The following BLTP3A variants were observed in gnomAD, a reference collection of about 807,000 sequenced individuals.
The protein encoded by BLTP3A is ICBP90 binding protein 1.
chr6:34,856,322 C>T, the BLTP3A span: 1 of 1,614,020 alleles, frequency 6.2e-7, no homozygotes, highest in Non-Finnish European at 8.5e-7. Flanking sequence ...GATGGAATTT[C>T]AGAGCAAAAT....
At chr6:34,860,679 A>G in the BLTP3A span, among the ~76,000 whole-genome samples, 1 of 152,222 alleles carries the variant, frequency 6.6e-6, no homozygotes, top group Admixed American at 6.5e-5. Flanking sequence ...ATCAATCCCC[A>G]TCTCACAGAT....
the BLTP3A span, chr6:34,859,457 A>C: frequency 3.1e-6 from 5 of 1,614,198 alleles, no homozygotes; most frequent in Non-Finnish European, 4.2e-6. Context: ...GAGGCTCTAC[A>C]TGCCACCATG....
the BLTP3A span, among the ~76,000 whole-genome samples, chr6:34,869,423 A>C: frequency 6.6e-6 from 1 of 152,074 alleles, no homozygotes; most frequent in Non-Finnish European, 1.5e-5. Context: ...ATTTGTATTC[A>C]TTGTTATCTT....
At chr6:34,836,052 T>C in the BLTP3A span, 1 of 1,412,070 alleles carries the variant, frequency 7.1e-7, no homozygotes, top group Non-Finnish European at 9.5e-7. Flanking sequence ...AAGGAACATC[T>C]TGCTAAACTG....
chr6:34,864,203 G>A, the BLTP3A span: 2 of 1,611,638 alleles, frequency 1.2e-6, no homozygotes, highest in East Asian at 2.2e-5. Context: ...AGTCTGGTAT[G>A]TGGGAGCAGA....
chr6:34,848,755 T>G, the BLTP3A span, among the ~76,000 whole-genome samples: 1 of 152,168 alleles, frequency 6.6e-6, no homozygotes, highest in African/African-American at 2.4e-5. Context: ...TGGGTTTTGT[T>G]TTTTAATGCA....
chr6:34,792,342 C>T, the BLTP3A span: 1 of 1,467,856 alleles, frequency 6.8e-7, no homozygotes, highest in Non-Finnish European at 9.1e-7. Flanking sequence ...CCTTCCTAAC[C>T]CTCTCCGACC....
the BLTP3A span, among the ~76,000 whole-genome samples, chr6:34,866,004 C>T: frequency 6.6e-6 from 1 of 152,040 alleles, no homozygotes; most frequent in African/African-American, 2.4e-5. Context: ...TAAGGTGAAA[C>T]CTAATTCTCA....
the BLTP3A span, chr6:34,792,222 C>T: frequency 4.6e-6 from 7 of 1,532,702 alleles, no homozygotes; most frequent in South Asian, 3.7e-5. Flanking sequence ...GCCGGCCCAC[C>T]CGCCTTCCAC....
At chr6:34,794,921 A>G in the BLTP3A span, among the ~76,000 whole-genome samples, 1 of 151,580 alleles carries the variant, frequency 6.6e-6, no homozygotes, top group East Asian at 1.9e-4. Flanking sequence ...AGTAGCTGGG[A>G]CTACAGGCAT....
the BLTP3A span, among the ~76,000 whole-genome samples, chr6:34,833,646 T>C: frequency 2.0e-5 from 3 of 152,018 alleles, no homozygotes; most frequent in Non-Finnish European, 2.9e-5. Context: ...AAGAAAGTAC[T>C]GTCCAGGTGC....
the BLTP3A span, among the ~76,000 whole-genome samples, chr6:34,818,339 T>G: frequency 6.6e-6 from 1 of 152,054 alleles, no homozygotes; most frequent in African/African-American, 2.4e-5. Flanking sequence ...CATAGTGATG[T>G]GTGCCTGTAG....
chr6:34,832,233 G>A, the BLTP3A span, among the ~76,000 whole-genome samples: 9,856 of 150,452 alleles, frequency 0.066, 534 homozygotes, highest in East Asian at 0.34. Context: ...TGATCCTCCC[G>A]CCTCAGCCTC....
chr6:34,834,873 C>A, the BLTP3A span: 3 of 1,605,888 alleles, frequency 1.9e-6, no homozygotes, highest in Non-Finnish European at 2.5e-6. Flanking sequence ...TAAGTGTGTT[C>A]TCTGGCCTCA....
the BLTP3A span, among the ~76,000 whole-genome samples, chr6:34,817,127 C>T: frequency 1.3e-5 from 2 of 152,306 alleles, no homozygotes; most frequent in African/African-American, 2.4e-5. Context: ...GCACTGTCTT[C>T]CTTTACTTCC....
chr6:34,852,794 A>G, the BLTP3A span, among the ~76,000 whole-genome samples: 1 of 152,166 alleles, frequency 6.6e-6, no homozygotes, highest in South Asian at 2.1e-4. Flanking sequence ...ATCCTAGAGC[A>G]CTTTAGCATG....
At chr6:34,862,982 CA>C in the BLTP3A span, among the ~76,000 whole-genome samples, 1 of 149,810 alleles carries the variant, frequency 6.7e-6, no homozygotes, top group African/African-American at 2.4e-5. Context: ...GATCTCGGCT[CA>C]CTGCTGCCTC....
chr6:34,837,242 A>G, the BLTP3A span, among the ~76,000 whole-genome samples: 3 of 152,160 alleles, frequency 2.0e-5, no homozygotes, highest in Non-Finnish European at 4.4e-5. Flanking sequence ...TTACCTTATA[A>G]TAAGATCTAG....
chr6:34,834,266 A>C, the BLTP3A span: 1 of 1,614,062 alleles, frequency 6.2e-7, no homozygotes. Flanking sequence ...CATCATTGTC[A>C]ATTCTATCAC....
Sources: allele counts gnomAD v4.1 joint callset (sites outside exome capture counted in the v4.1 genomes callset), GRCh38; gene constraint gnomAD v4.1.1; transcripts MANE v1.5; gene names NCBI Gene and HGNC (gene_info 2026-07-23, HGNC 2026-07-21).